CCT4: variants seen among roughly 807,000 people sequenced by gnomAD.
CCT4 encodes T-complex protein 1 subunit delta.
CCT4 carries 17 observed loss-of-function variants against 62.5 expected under a neutral mutation model. The ratio of observed to expected loss-of-function variants is 0.27; its 90% CI spans 0.19 to 0.41. The LOEUF is 0.41. Ranked by LOEUF, CCT4 falls within the 10% of genes least tolerant of loss-of-function variation. The pLI, the probability that CCT4 is intolerant of heterozygous loss-of-function variation, is 1.00. For missense variants in CCT4, 592 were observed against 659.2 expected (o/e 0.90, Z 1.12); for synonymous variants, 250 against 229.9 (o/e 1.09, Z -0.79).
chr2:61,878,924 T>A lies in CCT4; in HGVS notation c.467A>T (p.Glu156Val). The A allele has an allele frequency of 6.2e-7, 1 of 1,611,156 alleles. No individual in the cohort carries two copies. Among genetic ancestry groups the A allele is most frequent in the East Asian group, 2.2e-5 (1 of 44,836 alleles). ...TAACAAAGTTTCTCTGTCACTCAGT[T>A]CCACAGGTCGAGACATGTCAGTCAA... ...EILTDMSRPVELSDRETLLNS... is the reference protein window; with the variant it reads ...EILTDMSRPVVLSDRETLLNS... The change falls in exon 5 of 14, where the codon GAA becomes GTA. Residue 156 changes from glutamate (E) to valine (V), a missense_variant. Around this residue, in one of 3 missense-constraint regions of CCT4, gnomAD observed 522 missense variants for 571.2 expected, o/e 0.91. Transcript: ENST00000394440.
chr2:61,884,606 A>T (rs1273819654), intron 2 of CCT4, among the ~76,000 whole-genome samples: 1 of 150,548 alleles, frequency 6.6e-6, no homozygotes, highest in African/African-American at 2.4e-5. Context: ...ACTGTGCCCC[A>T]CCCACTTTCT....
At chr2:61,873,386 G>T in intron 8 of CCT4, 93 bp from the exon 9 acceptor site, 5 of 621,174 alleles carry the variant, frequency 8.0e-6, no homozygotes, top group Non-Finnish European at 8.6e-6. Context: ...TTTCTTAAAT[G>T]GCCAATCATT....
Position 61,888,583 on chromosome 2 carries a change from C to A in CCT4, c.-76G>T. 2 of 1,528,410 alleles carry A rather than the reference C, an allele frequency of 1.3e-6. No homozygotes were observed. The highest frequency in any genetic ancestry group is 2.3e-5 in the East Asian group (1 of 43,302). The allele number at this position is 1,528,410 out of a possible 1,614,324, so 94.7% of individuals were successfully genotyped here. ...ATTCTGGCCGGCCGCAGTGTAATAACGGTAAGCCCTCACTGCCTTCACGAA... is the reference window on the plus strand; with the variant it reads ...ATTCTGGCCGGCCGCAGTGTAATAAAGGTAAGCCCTCACTGCCTTCACGAA... On this transcript the variant is annotated 5_prime_UTR_variant, in exon 1 of 14. Coordinates refer to ENST00000394440, the MANE Select transcript of CCT4 (RefSeq NM_006430.4).
intron 5 of CCT4, 108 bp downstream of exon 5, chr2:61,878,761 T>A (rs1572920752): frequency 1.5e-6 from 1 of 689,312 alleles, no homozygotes; most frequent in East Asian, 2.8e-5. Flanking sequence ...TTATAACAGT[T>A]ACCTAGCCAC....
In CCT4 at chr2:61,869,262, A is replaced by C. The variant is rs1035969291; in HGVS notation, c.1605+178T>G. On this transcript the variant is annotated intron_variant, in intron 13 of 13. Coordinates refer to ENST00000394440, the MANE Select transcript of CCT4 (RefSeq NM_006430.4). ...GAGACAGGAGAATCACTTGAACCCC[A>C]GAGGCAGAGGTTGCAGTGAGCCGAG... 4.0e-5 allele frequency among the ~76,000 whole-genome samples: 6 copies of C among 151,490 alleles called. No individual in the cohort carries two copies. The South Asian group carries it at 6.2e-4, about 16-fold the overall frequency.
chr2:61,885,203 G>A (rs1669223961), intron 1 of CCT4, 131 bp from the exon 2 acceptor site: 4 of 557,032 alleles, frequency 7.2e-6, no homozygotes, highest in Middle Eastern at 3.3e-4. Context: ...CAGCCTCCCA[G>A]AATAGCTGGG....
intron 8 of CCT4, among the ~76,000 whole-genome samples, chr2:61,873,841 C>A (rs1457623970): frequency 6.6e-6 from 1 of 152,152 alleles, no homozygotes; most frequent in Non-Finnish European, 1.5e-5. Flanking sequence ...GCTGGGATTA[C>A]AGGCATGAGC....
intron 4 of CCT4, among the ~76,000 whole-genome samples, 155 bp downstream of exon 4, chr2:61,880,131 A>T (rs1368942727): frequency 2.0e-5 from 3 of 152,262 alleles, no homozygotes; most frequent in Non-Finnish European, 4.4e-5. Context: ...CTCTATTATA[A>T]ATATAGCAAA....
At chr2:61,874,399 C>T (rs951583114) in intron 8 of CCT4, among the ~76,000 whole-genome samples, 1 of 151,976 alleles carries the variant, frequency 6.6e-6, no homozygotes, top group Non-Finnish European at 1.5e-5. Flanking sequence ...GGGGGGCAGA[C>T]CACGAGGTCA....
At chr2:61,885,245 G>T (rs1336193945) in intron 1 of CCT4, among the ~76,000 whole-genome samples, 173 bp from the exon 2 acceptor site, 4 of 151,880 alleles carry the variant, frequency 2.6e-5, no homozygotes, top group Admixed American at 2.6e-4. Flanking sequence ...TTAAAGAATA[G>T]AGTTTTTTTC....
chr2:61,870,901 A>G (rs1668870195), intron 12 of CCT4, among the ~76,000 whole-genome samples: 1 of 152,132 alleles, frequency 6.6e-6, no homozygotes, highest in Admixed American at 6.6e-5. Flanking sequence ...TGGGCAACAG[A>G]GCAAGATTCC....
chr2:61,878,844 A>G, intron 5 of CCT4, 25 bp downstream of exon 5: 1 of 1,561,868 alleles, frequency 6.4e-7, no homozygotes, highest in Non-Finnish European at 8.7e-7. Context: ...CTAATTTGAC[A>G]AGTATCCGTT....
At chr2:61,869,396 C>T (rs554833458) in intron 13 of CCT4, 44 bp downstream of exon 13, 2 of 1,021,612 alleles carry the variant, frequency 2.0e-6, no homozygotes, top group Non-Finnish European at 1.5e-6. Context: ...AAAATATATG[C>T]CTTTTTGACC....
intron 1 of CCT4, among the ~76,000 whole-genome samples, 199 bp from the exon 2 acceptor site, chr2:61,885,271 T>C (rs1349467038): frequency 6.6e-6 from 1 of 152,114 alleles, no homozygotes; most frequent in East Asian, 1.9e-4. Context: ...AAATGATCAT[T>C]GTGTTCTTAT....
At chr2:61,872,663 C>T (rs1668908618) in intron 10 of CCT4, 75 bp from the exon 11 acceptor site, 4 of 1,513,652 alleles carry the variant, frequency 2.6e-6, no homozygotes, top group South Asian at 1.2e-5. Context: ...CACGGCGGCT[C>T]ACGCCTGTAA....
intron 1 of CCT4, among the ~76,000 whole-genome samples, chr2:61,886,878 G>A (rs1338485343): frequency 2.0e-5 from 3 of 151,896 alleles, no homozygotes; most frequent in African/African-American, 7.3e-5. Context: ...CCCTGCCTCA[G>A]CCTCCCGAGT....
In CCT4 at chr2:61,876,075, C is replaced by G. The variant is rs376541608; in HGVS notation, c.917+20G>C. The G allele has an allele frequency of 7.2e-6, 11 of 1,532,594 alleles. No individual in the cohort carries two copies. Among genetic ancestry groups the G allele is most frequent in the South Asian group, 4.8e-5 (4 of 82,534 alleles). The allele number at this position is 1,532,594 out of a possible 1,614,324, so 94.9% of individuals were successfully genotyped here. On this transcript the variant is annotated intron_variant, in intron 8 of 13. Transcript: ENST00000394440. Reference sequence around the variant, plus strand: ...TCCAAAATTATCATTAAGGGATGAACAAAATAAATAGCCCCACACCTTAGA... The same window carrying G: ...TCCAAAATTATCATTAAGGGATGAAGAAAATAAATAGCCCCACACCTTAGA...
rs930619000 is a variant in CCT4, at chr2:61,888,551, G to C, written c.-44C>G. On this transcript the variant is annotated 5_prime_UTR_variant, in exon 1 of 14. Coordinates refer to ENST00000394440, the MANE Select transcript of CCT4 (RefSeq NM_006430.4). ...TGGGTTGGCTCGGGAAGGACGGATG[G>C]ACCCGGATTCTGGCCGGCCGCAGTG... The C allele has an allele frequency of 1.3e-5, 20 of 1,593,790 alleles. No homozygotes were observed. Among genetic ancestry groups the C allele is most frequent in the East Asian group, 2.2e-5 (1 of 44,508 alleles).
intron 1 of CCT4, among the ~76,000 whole-genome samples, chr2:61,885,472 G>C (rs1669229632): frequency 6.6e-6 from 1 of 152,098 alleles, no homozygotes; most frequent in Non-Finnish European, 1.5e-5. Context: ...GTGCAGTGAG[G>C]CAATCTCGGC....
Sources: gnomAD v4.1 joint callset for allele counts (sites outside exome capture counted in the v4.1 genomes callset) on GRCh38, gnomAD v4.1.1 for gene constraint, gnomAD v4.1.1 regional missense constraint, MANE v1.5 for transcripts, NCBI Gene and HGNC (gene_info 2026-07-23, HGNC 2026-07-21) for gene names.